The following ORC5 variants were observed in gnomAD, a reference collection of about 807,000 sequenced individuals.
ORC5 encodes the protein origin recognition complex subunit 5.
Under a neutral mutation model 58.8 loss-of-function variants are expected in ORC5, and 39 were observed. That is an observed-to-expected ratio of 0.66 (90% CI 0.51 to 0.87). The LOEUF (loss-of-function observed/expected upper bound fraction) is 0.87. Ranked by LOEUF, ORC5 falls within the 40% of genes least tolerant of loss-of-function variation. ORC5 has a pLI of 0.00. For synonymous variants in ORC5, 218 were observed against 177.6 expected, an observed-to-expected ratio of 1.23 and a Z score of -1.81; for missense variants, 493 against 506.3, an observed-to-expected ratio of 0.97 and a Z score of 0.25.
At chr7:104,171,738 C>T (rs1799214454) in intron 8 of ORC5, among the ~76,000 whole-genome samples, 1 of 152,106 alleles carries the variant, frequency 6.6e-6, no homozygotes. Context: ...CCTATAGTCC[C>T]AGCTACTCGG....
intron 8 of ORC5, among the ~76,000 whole-genome samples, chr7:104,177,360 C>T (rs914758254): frequency 6.6e-6 from 1 of 152,128 alleles, no homozygotes; most frequent in African/African-American, 2.4e-5. Flanking sequence ...TATCACTACA[C>T]ATAAAAGTTA....
intron 12 of ORC5, among the ~76,000 whole-genome samples, chr7:104,143,046 C>T (rs896598355): frequency 3.3e-5 from 5 of 152,102 alleles, no homozygotes. Context: ...ATATTAACTT[C>T]AACCCTTTCT....
intron 10 of ORC5, chr7:104,165,646 T>C (rs781780201): frequency 2.8e-5 from 5 of 180,744 alleles, no homozygotes; most frequent in Non-Finnish European, 5.7e-5. Flanking sequence ...ATCCACATAA[T>C]AAACGCTGAC....
At position 104,200,813 on chromosome 7, in the gene ORC5, C is replaced by T. The variant is rs750064136; in HGVS notation, c.311G>A (p.Arg104His). The T allele has an allele frequency of 1.5e-5, 24 of 1,612,280 alleles. No homozygotes were observed. The African/African-American group carries it at 2.3e-4, about 15-fold the overall frequency. ...ITCETFNDFV[R>H]LFKQVTTAEN... ...AGCTGTGGTTACTTGTTTAAACAAGCGAACAAAGTCATTAAATGTTTCACA... is the reference window on the plus strand; with the variant it reads ...AGCTGTGGTTACTTGTTTAAACAAGTGAACAAAGTCATTAAATGTTTCACA... The change falls in exon 3 of 14, where the codon CGC (arginine) becomes CAC (histidine). Residue 104 changes from arginine (R) to histidine (H), a missense_variant. Coordinates refer to ENST00000297431, the MANE Select transcript of ORC5 (RefSeq NM_002553.4).
At chr7:104,168,110 G>A (rs970837742) in intron 9 of ORC5, 2 of 288,088 alleles carry the variant, frequency 6.9e-6, no homozygotes, top group East Asian at 1.1e-4. Context: ...ATCCCAAACC[G>A]ATTAACATAA....
intron 12 of ORC5, among the ~76,000 whole-genome samples, chr7:104,150,720 T>A (rs1042532561): frequency 1.3e-5 from 2 of 152,144 alleles, no homozygotes; most frequent in Non-Finnish European, 2.9e-5. Flanking sequence ...AAATGCCTGT[T>A]AGGAGAATGG....
At chr7:104,130,776 C>T (rs1054444720) in intron 13 of ORC5, among the ~76,000 whole-genome samples, 4 of 152,198 alleles carry the variant, frequency 2.6e-5, no homozygotes, top group Non-Finnish European at 4.4e-5. Flanking sequence ...CTATCTGGAA[C>T]ATGTTGGGAC....
intron 12 of ORC5, among the ~76,000 whole-genome samples, chr7:104,140,583 G>GC (rs1798656497): frequency 6.6e-6 from 1 of 152,138 alleles, no homozygotes; most frequent in Admixed American, 6.5e-5. Flanking sequence ...ATTTGTTGAG[G>GC]CAGCTAGGTT....
intron 4 of ORC5, 88 bp downstream of exon 4, chr7:104,197,637 T>G: frequency 1.4e-6 from 1 of 740,358 alleles, no homozygotes; most frequent in East Asian, 2.8e-5. Flanking sequence ...ATACTAATTC[T>G]CACCTATCAA....
chr7:104,161,571 C>G (rs971329261), intron 11 of ORC5, among the ~76,000 whole-genome samples: 1 of 152,132 alleles, frequency 6.6e-6, no homozygotes, highest in African/African-American at 2.4e-5. Context: ...CAGGGTCTCA[C>G]TATGTTGCCC....
At chr7:104,139,788 CTT>C (rs1446247877) in intron 12 of ORC5, among the ~76,000 whole-genome samples, 2 of 151,992 alleles carry the variant, frequency 1.3e-5, no homozygotes, top group African/African-American at 4.8e-5. Flanking sequence ...ATGTCTATTG[CTT>C]TGTTACATAT....
rs1047825062 is a variant in ORC5 at position 104,206,559 on chromosome 7, T to C, written c.72+1274A>G. ...AATATAACTATAATTGAAAGCAGTATAAATAGAAAATTAATTGAAGATGCA... is the reference window on the plus strand; with the variant it reads ...AATATAACTATAATTGAAAGCAGTACAAATAGAAAATTAATTGAAGATGCA... On this transcript the variant is annotated intron_variant, in intron 1 of 13. Transcript: ENST00000297431. Among the ~76,000 whole-genome samples the C allele has an allele frequency of 5.9e-5, 9 of 152,160 alleles. 1 individual carries two copies. In the South Asian group the frequency reaches 1.9e-3, roughly 32 times the overall value.
chr7:104,188,423 T>A, intron 5 of ORC5, 42 bp from the exon 6 acceptor site: 1 of 1,495,740 alleles, frequency 6.7e-7, no homozygotes, highest in Non-Finnish European at 9.1e-7. Context: ...ATTAACATAG[T>A]ACACTAATCA....
intron 1 of ORC5, 28 bp downstream of exon 1, chr7:104,207,805 G>A (rs376753377): frequency 5.0e-6 from 8 of 1,589,418 alleles, no homozygotes; most frequent in Non-Finnish European, 6.9e-6. Flanking sequence ...CTGCCTCCAG[G>A]ATCTGGAAGA....
intron 6 of ORC5, among the ~76,000 whole-genome samples, chr7:104,186,034 T>A (rs1799536010): frequency 1.3e-5 from 2 of 152,110 alleles, no homozygotes; most frequent in Admixed American, 6.5e-5. Context: ...AAAGAAATTA[T>A]TCGCTTTAGC....
rs144106633 is a variant in ORC5 at position 104,207,953 on chromosome 7, T to A, written c.-49A>T. ...CCAGTGCAGCCAGCCCACAGGACCC[T>A]TGCACAAGACGGAGCCTCTCCCGAG... is the stretch of plus-strand genomic sequence containing the variant. On this transcript the variant is annotated 5_prime_UTR_variant, in exon 1 of 14. In the 5' UTR this introduces an upstream ATG that the reference lacks. Coordinates refer to ENST00000297431, the MANE Select transcript of ORC5 (RefSeq NM_002553.4). 2.6e-6 allele frequency: 4 copies of A among 1,561,824 alleles called. No homozygotes were observed. The highest frequency in any genetic ancestry group is 1.1e-5 in the South Asian group (1 of 89,926).
chr7:104,181,495 G>A (rs1799429397), intron 8 of ORC5, among the ~76,000 whole-genome samples: 1 of 152,082 alleles, frequency 6.6e-6, no homozygotes, highest in African/African-American at 2.4e-5. Flanking sequence ...ATTAGAAAAT[G>A]TGCACAGAGG....
At chr7:104,185,286 C>A (rs918321976) in intron 6 of ORC5, among the ~76,000 whole-genome samples, 1 of 151,866 alleles carries the variant, frequency 6.6e-6, no homozygotes, top group African/African-American at 2.4e-5. Context: ...AATTTGTATG[C>A]CTTTTTTTTC....
In ORC5 at chr7:104,200,771, T is replaced by G; in HGVS notation, c.353A>C (p.Gln118Pro). Residue 118 changes from glutamine (Q) to proline (P), a missense_variant, in exon 3 of 14, where the codon CAG becomes CCG. Physicochemically the swap from Gln to Pro is moderately conservative, Grantham distance 76. Transcript: ENST00000297431. ...GAAATTACTTACAATATATACAGTCTGATCTTTAAGATTTTCAGCTGTGGT... is the reference window on the plus strand; with the variant it reads ...GAAATTACTTACAATATATACAGTCGGATCTTTAAGATTTTCAGCTGTGGT... Reference protein sequence around the residue: ...QVTTAENLKDQTVYIVLDKAE... With the variant: ...QVTTAENLKDPTVYIVLDKAE... The G allele has an allele frequency of 6.3e-7, 1 of 1,589,124 alleles. No homozygotes were observed. The highest frequency in any genetic ancestry group is 1.1e-5 in the South Asian group (1 of 90,308).
Sources: allele counts gnomAD v4.1 joint callset (sites outside exome capture counted in the v4.1 genomes callset), GRCh38; gene constraint gnomAD v4.1.1; transcripts MANE v1.5; gene names NCBI Gene and HGNC (gene_info 2026-07-23, HGNC 2026-07-21).